UBXN11: variants seen among roughly 807,000 people sequenced by gnomAD.
UBXN11 encodes the protein UBX domain-containing protein 11.
UBXN11 carries 47 observed loss-of-function variants against 62.8 expected under a neutral mutation model. That is an observed-to-expected ratio of 0.75 (90% CI 0.59 to 0.95). The LOEUF (loss-of-function observed/expected upper bound fraction) is 0.95. Among genes scored for constraint, UBXN11 ranks in the 40% least tolerant of loss-of-function variants. UBXN11 has a pLI of 0.00. For synonymous variants in UBXN11, 294 were observed against 267.0 expected (o/e 1.10, Z -0.99); for missense variants, 638 against 661.7 (o/e 0.96, Z 0.39).
rs1367303596 is a variant in UBXN11 at position 26,302,848 on chromosome 1, T to A, written c.36A>T (p.Arg12=). The A allele has an allele frequency of 6.2e-7, 1 of 1,613,932 alleles. No homozygotes were observed. Among genetic ancestry groups the A allele is most frequent in the Non-Finnish European group, 8.5e-7 (1 of 1,179,886 alleles). Residue 12 remains arginine (R), a synonymous_variant, in exon 2 of 15, where the codon CGA becomes CGT. Transcript: ENST00000374222. ...SSPLASLSKT[R]KVPLPSEPMN... ...TAGGCTCCGAGGGCAGGGGCACTTT[T>A]CGGGTCTTGCTAAGGGAGGCCAAAG...
intron 1 of UBXN11, among the ~76,000 whole-genome samples, chr1:26,303,555 T>C (rs1049806946): frequency 7.7e-6 from 1 of 130,176 alleles, no homozygotes; most frequent in Non-Finnish European, 1.5e-5. Context: ...ACCCAGGAGG[T>C]GGGGAGGATG....
At chr1:26,314,622 A>G (rs1358728727) in intron 1 of UBXN11, among the ~76,000 whole-genome samples, 1 of 152,184 alleles carries the variant, frequency 6.6e-6, no homozygotes, top group Non-Finnish European at 1.5e-5. Context: ...ATAGATCTAG[A>G]TGAATACACG....
At chr1:26,293,034 C>T (rs1008724738) in intron 8 of UBXN11, among the ~76,000 whole-genome samples, 2 of 152,298 alleles carry the variant, frequency 1.3e-5, no homozygotes, top group South Asian at 4.1e-4. Context: ...AAGAAGGTGT[C>T]GTCATCTTCC....
At chr1:26,299,578 G>C (rs1027662445) in intron 4 of UBXN11, among the ~76,000 whole-genome samples, 1 of 151,542 alleles carries the variant, frequency 6.6e-6, no homozygotes, top group Admixed American at 6.6e-5. Flanking sequence ...CTAAGAGACA[G>C]AGCCTAGAAG....
At chr1:26,315,612 C>T (rs1162447374) in intron 1 of UBXN11, among the ~76,000 whole-genome samples, 2 of 152,206 alleles carry the variant, frequency 1.3e-5, no homozygotes, top group African/African-American at 4.8e-5. Context: ...CCTCCCTCTC[C>T]ACTTCCTGGC....
At chr1:26,308,532 T>C (rs1274764304), upstream of UBXN11, among the ~76,000 whole-genome samples, 2 of 152,126 alleles carry the variant, frequency 1.3e-5, no homozygotes, top group Admixed American at 6.6e-5. Flanking sequence ...AGAGTGGACA[T>C]AGGAAGAGCT....
intron 1 of UBXN11, among the ~76,000 whole-genome samples, chr1:26,314,722 C>A (rs1453297946): frequency 6.6e-6 from 1 of 152,174 alleles, no homozygotes; most frequent in Non-Finnish European, 1.5e-5. Flanking sequence ...TAGTCCCAAC[C>A]CACAAGGGAC....
At chr1:26,307,668 C>T (rs968610886), upstream of UBXN11, among the ~76,000 whole-genome samples, 1 of 148,262 alleles carries the variant, frequency 6.7e-6, no homozygotes, top group African/African-American at 2.5e-5. Flanking sequence ...ACTTTCTAGC[C>T]TACCACATTC....
rs1239340531 is a variant in UBXN11, at chr1:26,282,378, G to A, written c.1484C>T (p.Pro495Leu). The A allele has an allele frequency of 1.2e-5, 7 of 586,218 alleles. 1 individual carries two copies. Among genetic ancestry groups the A allele is most frequent in the Non-Finnish European group, 1.6e-5 (7 of 435,100 alleles). The allele number at this position is 586,218 out of a possible 1,614,324, so 36.3% of individuals were successfully genotyped here. A position where few individuals can be genotyped will look rare whatever the true frequency, so the allele number is the denominator to read the frequency against. The change falls in exon 15 of 15, where the codon CCC (proline) becomes CTC (leucine). Residue 495 changes from proline to leucine, a missense_variant. Coordinates refer to ENST00000374222, the MANE Select transcript of UBXN11 (RefSeq NM_001389556.1). ...PCPGPGPGPS[P>L]GPGPGPSPGP... ...GGGACTGGGGCCGGGACCGGGACCGGGACTGGGGCCGGGACCGGGACCGGG... is the reference window on the plus strand; with the variant it reads ...GGGACTGGGGCCGGGACCGGGACCGAGACTGGGGCCGGGACCGGGACCGGG...
At chr1:26,299,471 C>A (rs1409419795) in intron 4 of UBXN11, among the ~76,000 whole-genome samples, 1 of 150,120 alleles carries the variant, frequency 6.7e-6, no homozygotes, top group Non-Finnish European at 1.5e-5. Context: ...GTGATTTGCA[C>A]CGCTGCACTC....
intron 8 of UBXN11, among the ~76,000 whole-genome samples, chr1:26,286,588 A>G (rs2073139126): frequency 7.6e-6 from 1 of 131,756 alleles, no homozygotes; most frequent in Non-Finnish European, 1.6e-5. Context: ...CCAAGAAGTA[A>G]CCATGTTAAG....
intron 8 of UBXN11, among the ~76,000 whole-genome samples, chr1:26,291,156 G>A (rs1488360780): frequency 1.3e-5 from 2 of 152,146 alleles, no homozygotes; most frequent in African/African-American, 2.4e-5. Flanking sequence ...CCACCCCAGC[G>A]CCTGTGGGAG....
At chr1:26,300,379 T>G (rs1178692489) in intron 4 of UBXN11, among the ~76,000 whole-genome samples, 1 of 152,162 alleles carries the variant, frequency 6.6e-6, no homozygotes, top group East Asian at 1.9e-4. Context: ...AGTGGAAAGT[T>G]CTAACCTTAT....
At chr1:26,285,022 G>T (rs2073095373) in intron 10 of UBXN11, 1 of 1,004,610 alleles carries the variant, frequency 1.0e-6, no homozygotes, top group Non-Finnish European at 1.2e-6. Context: ...GGGCTCTGGT[G>T]GTGGCACCTA....
chr1:26,297,602 TG>T, intron 5 of UBXN11, 121 bp from the exon 6 acceptor site: 1 of 1,217,268 alleles, frequency 8.2e-7, no homozygotes, highest in Non-Finnish European at 1.1e-6. Context: ...TGCCACCCTT[TG>T]GCACAGCCAC....
chr1:26,297,528 G>A, intron 5 of UBXN11, 47 bp from the exon 6 acceptor site: 1 of 1,499,220 alleles, frequency 6.7e-7, no homozygotes, highest in Non-Finnish European at 8.9e-7. Context: ...GGTTCCCAGA[G>A]CCCTGCCCAG....
At chr1:26,299,633 T>C (rs975972771) in intron 4 of UBXN11, among the ~76,000 whole-genome samples, 1 of 150,774 alleles carries the variant, frequency 6.6e-6, no homozygotes, top group Admixed American at 6.6e-5. Context: ...AAGAGCTTGG[T>C]GGAGGTCCTG....
intron 7 of UBXN11, among the ~76,000 whole-genome samples, chr1:26,295,852 A>G (rs564473895): frequency 1.1e-3 from 172 of 152,338 alleles, no homozygotes; most frequent in African/African-American, 4.0e-3. Context: ...GCCTGCCCCA[A>G]GCAGATCCTC....
chr1:26,300,153 T>A (rs1570122801), intron 4 of UBXN11, among the ~76,000 whole-genome samples: 2 of 152,150 alleles, frequency 1.3e-5, no homozygotes, highest in South Asian at 4.1e-4. Context: ...TGAGGGAGAA[T>A]CATCAGGCCC....
Sources: gnomAD v4.1 joint callset for allele counts (sites outside exome capture counted in the v4.1 genomes callset) on GRCh38, gnomAD v4.1.1 for gene constraint, MANE v1.5 for transcripts, NCBI Gene and HGNC (gene_info 2026-07-23, HGNC 2026-07-21) for gene names.